The following PRKX variants were observed in gnomAD, a reference collection of about 807,000 sequenced individuals.
PRKX encodes the protein protein kinase cAMP-dependent X-linked catalytic subunit.
PRKX carries 12 observed loss-of-function variants against 22.0 expected under a neutral mutation model. The observed-to-expected ratio is 0.54, with a 90% CI of 0.35 to 0.88. The LOEUF is 0.88. Among genes scored for constraint, PRKX ranks in the 40% least tolerant of loss-of-function variants. The probability of loss-of-function intolerance (pLI) is 0.01; values close to 1 mark genes in which losing one functional copy is unlikely to be tolerated. For synonymous variants in PRKX, 134 were observed against 137.7 expected, an observed-to-expected ratio of 0.97 and a Z score of 0.19; for missense variants, 217 against 308.0, an observed-to-expected ratio of 0.70 and a Z score of 2.21.
At chrX:3,622,833 C>A (rs6567573) in intron 5 of PRKX, among the ~76,000 whole-genome samples, 46,346 of 106,649 alleles carry the variant, frequency 0.43, 7,173 homozygotes, top group South Asian at 0.5. Context: ...CATGCTCCCC[C>A]CTGCCAAAAA....
At chrX:3,630,290 T>C (rs1457706459) in intron 4 of PRKX, among the ~76,000 whole-genome samples, 4 of 111,854 alleles carry the variant, frequency 3.6e-5, no homozygotes, top group African/African-American at 6.5e-5. Context: ...CCAGGCGCGG[T>C]GGCTCATGCC....
chrX:3,632,691 G>T (rs1300270926), intron 4 of PRKX, among the ~76,000 whole-genome samples: 5 of 111,961 alleles, frequency 4.5e-5, no homozygotes, highest in Non-Finnish European at 7.5e-5. Flanking sequence ...CAGTGTGTGT[G>T]TGTGTCTGAG....
intron 6 of PRKX, among the ~76,000 whole-genome samples, chrX:3,620,837 G>T (rs1259334372): frequency 2.7e-5 from 3 of 111,902 alleles, no homozygotes; most frequent in African/African-American, 9.7e-5. Context: ...AACCACAGGG[G>T]TGGCTGTACA....
chrX:3,645,619 A>G (rs1927172357), intron 3 of PRKX, among the ~76,000 whole-genome samples: 1 of 112,463 alleles, frequency 8.9e-6, no homozygotes, highest in Non-Finnish European at 1.9e-5. Context: ...AATAAATGCC[A>G]CTCAATTGTG....
intron 1 of PRKX, among the ~76,000 whole-genome samples, chrX:3,693,160 A>C (rs1045165243): frequency 5.4e-5 from 6 of 110,966 alleles, no homozygotes; most frequent in Non-Finnish European, 9.4e-5. Flanking sequence ...GGAAGCATTA[A>C]TGACAGTAAG....
At chrX:3,676,482 A>C (rs1008692721) in intron 1 of PRKX, among the ~76,000 whole-genome samples, 8 of 111,713 alleles carry the variant, frequency 7.2e-5, no homozygotes, top group Non-Finnish European at 1.3e-4. Context: ...GCGTGGAAAC[A>C]ACCTCAGTGT....
intron 1 of PRKX, among the ~76,000 whole-genome samples, chrX:3,699,542 C>T (rs1352291750): frequency 2.7e-5 from 3 of 110,652 alleles, no homozygotes; most frequent in East Asian, 2.9e-4. Context: ...TTAGTAGAGA[C>T]GGGGTTTCAC....
At chrX:3,614,872 A>G (rs776610426) in intron 7 of PRKX, among the ~76,000 whole-genome samples, 1 of 110,471 alleles carries the variant, frequency 9.1e-6, no homozygotes, top group East Asian at 2.8e-4. Flanking sequence ...AAAATATAAC[A>G]TGTACCCCCA....
At chrX:3,614,236 G>A (rs1926371343) in intron 7 of PRKX, among the ~76,000 whole-genome samples, 1 of 112,457 alleles carries the variant, frequency 8.9e-6, no homozygotes, top group African/African-American at 3.2e-5. Context: ...AGCGGCTCAT[G>A]CCTGTAATCC....
chrX:3,675,835 A>G (rs1401274646), intron 1 of PRKX, among the ~76,000 whole-genome samples: 6 of 111,463 alleles, frequency 5.4e-5, no homozygotes, highest in Non-Finnish European at 1.1e-4. Flanking sequence ...CGAATAGTGC[A>G]GTGGCGCCAT....
intron 1 of PRKX, among the ~76,000 whole-genome samples, chrX:3,693,939 CAAAAAAAAAAA>C (rs1230845031): frequency 6.0e-5 from 2 of 33,086 alleles, no homozygotes; most frequent in African/African-American, 1.1e-4. Context: ...GACTCCGTCT[CAAAAAAAAAAA>C]AAAAAAAAAG....
chrX:3,694,823 C>T (rs1440747779), intron 1 of PRKX, among the ~76,000 whole-genome samples: 1 of 105,922 alleles, frequency 9.4e-6, no homozygotes, highest in African/African-American at 3.5e-5. Flanking sequence ...CACGTGGAGA[C>T]AGAGGCAGAG....
intron 2 of PRKX, among the ~76,000 whole-genome samples, chrX:3,658,548 G>A (rs1460070393): frequency 9.0e-6 from 1 of 111,102 alleles, no homozygotes; most frequent in African/African-American, 3.3e-5. Context: ...TCATCCTCCC[G>A]AAGTGCTGGG....
intron 7 of PRKX, among the ~76,000 whole-genome samples, chrX:3,615,359 C>T (rs939338282): frequency 2.7e-5 from 3 of 111,517 alleles, no homozygotes; most frequent in East Asian, 2.8e-4. Flanking sequence ...TGGCCAGAAA[C>T]GTTCCAAAGA....
chrX:3,643,004 CAAAAAAAAAA>C (rs60090711), intron 3 of PRKX, among the ~76,000 whole-genome samples: 1 of 27,558 alleles, frequency 3.6e-5, no homozygotes, highest in African/African-American at 1.9e-4. Context: ...GACTCTCTCT[CAAAAAAAAAA>C]AAAAAAAAAA....
At chrX:3,624,705 G>A (rs994980517) in intron 5 of PRKX, among the ~76,000 whole-genome samples, 1 of 110,352 alleles carries the variant, frequency 9.1e-6, no homozygotes, top group Non-Finnish European at 1.9e-5. Context: ...CTGCAGCCTC[G>A]ACTTCCTGGG....
At chrX:3,641,119 GC>G (rs1297939379) in intron 4 of PRKX, among the ~76,000 whole-genome samples, 62 of 111,873 alleles carry the variant, frequency 5.5e-4, no homozygotes, top group Middle Eastern at 4.7e-3. Flanking sequence ...GGGCTGCTCT[GC>G]CTAAGGAGTA....
intron 4 of PRKX, among the ~76,000 whole-genome samples, chrX:3,634,717 G>A (rs1486206757): frequency 1.8e-5 from 2 of 111,294 alleles, no homozygotes; most frequent in African/African-American, 6.5e-5. Context: ...TTTAGAGACA[G>A]GGTCTCTCTG....
At chrX:3,679,026 G>C (rs1659061405) in intron 1 of PRKX, among the ~76,000 whole-genome samples, 1 of 111,772 alleles carries the variant, frequency 8.9e-6, no homozygotes, top group African/African-American at 3.3e-5. Flanking sequence ...CTAAGTAGTA[G>C]TGTTATGCAC....
Sources: gnomAD v4.1 joint callset for allele counts (sites outside exome capture counted in the v4.1 genomes callset) on GRCh38, gnomAD v4.1.1 for gene constraint, MANE v1.5 for transcripts, NCBI Gene and HGNC (gene_info 2026-07-23, HGNC 2026-07-21) for gene names.